The following ITSN2 variants were observed in gnomAD, a reference collection of about 807,000 sequenced individuals.
The protein encoded by ITSN2 is intersectin-2.
Under a neutral mutation model 243.7 loss-of-function variants are expected in ITSN2, and 156 were observed. That is an observed-to-expected ratio of 0.64 (90% CI 0.56 to 0.73). The LOEUF is 0.73. Among genes scored for constraint, ITSN2 ranks in the 30% least tolerant of loss-of-function variants. The pLI is 0.00. For synonymous variants in ITSN2, 703 were observed against 699.9 expected, an observed-to-expected ratio of 1.00 and a Z score of -0.07; for missense variants, 1,801 against 1,996.1, an observed-to-expected ratio of 0.90 and a Z score of 1.86.
intron 24 of ITSN2, among the ~76,000 whole-genome samples, chr2:24,252,968 C>A (rs555551988): frequency 6.6e-6 from 1 of 152,290 alleles, no homozygotes; most frequent in Admixed American, 6.5e-5. Flanking sequence ...GTTATGGAAA[C>A]ACTCAATACC....
chr2:24,298,945 C>T, intron 12 of ITSN2, 131 bp from the exon 13 acceptor site: 1 of 651,320 alleles, frequency 1.5e-6, no homozygotes, highest in Non-Finnish European at 2.4e-6. Context: ...GGTAGCTAGG[C>T]AAATCTAGTT....
chr2:24,246,482 C>G (rs1164611726), intron 28 of ITSN2, among the ~76,000 whole-genome samples, 162 bp from the exon 29 acceptor site: 17 of 152,060 alleles, frequency 1.1e-4, no homozygotes, highest in Admixed American at 1.1e-3. Context: ...TTCCCCTATT[C>G]CTGGTCTTAC....
intron 17 of ITSN2, among the ~76,000 whole-genome samples, chr2:24,279,338 G>A (rs1678451022): frequency 6.6e-6 from 1 of 152,160 alleles, no homozygotes; most frequent in Admixed American, 6.5e-5. Context: ...CTATGGACAA[G>A]CATTTCCCCA....
chr2:24,263,482 T>C (rs1026362416), intron 20 of ITSN2, among the ~76,000 whole-genome samples: 4 of 152,204 alleles, frequency 2.6e-5, no homozygotes, highest in African/African-American at 9.7e-5. Flanking sequence ...CATATGTATA[T>C]ACCTGTGAAA....
intron 16 of ITSN2, among the ~76,000 whole-genome samples, chr2:24,285,472 C>T (rs1679380687): frequency 6.6e-6 from 1 of 152,186 alleles, no homozygotes; most frequent in Non-Finnish European, 1.5e-5. Flanking sequence ...ATTTCTTATA[C>T]AAAAGCTTTA....
At position 24,225,131 on chromosome 2, in the gene ITSN2, G is replaced by A. The variant is rs958146919; in HGVS notation, c.3578-4065C>T. Among the ~76,000 whole-genome samples, 3 of 152,148 alleles carry A rather than the reference G, an allele frequency of 2.0e-5. No individual in the cohort carries two copies. Among genetic ancestry groups the A allele is most frequent in the African/African-American group, 7.2e-5 (3 of 41,426 alleles). On this transcript the variant is annotated intron_variant, in intron 29 of 39. Transcript: ENST00000355123. This position sits in a 1 kb window ranked among gnomAD's most constrained non-coding sequence, Gnocchi z 4.2. ...TTTCTTTCTAAAGCCACTGTCTGTA[G>A]TCAGCCTCTCCTCCAGGGCCCCTCC... is the stretch of plus-strand genomic sequence containing the variant.
At chr2:24,260,081 C>T (rs574921898) in intron 22 of ITSN2, among the ~76,000 whole-genome samples, 12 of 152,114 alleles carry the variant, frequency 7.9e-5, no homozygotes, top group African/African-American at 2.2e-4. Flanking sequence ...CCACTATGCC[C>T]GGCTAATTTT....
chr2:24,210,730 C>T, intron 34 of ITSN2, 50 bp downstream of exon 34: 2 of 1,576,348 alleles, frequency 1.3e-6, no homozygotes, highest in Non-Finnish European at 1.7e-6. Flanking sequence ...GAGCTGGTTC[C>T]CCACCCAGAG....
chr2:24,345,034 CT>C (rs1687395990), intron 1 of ITSN2, among the ~76,000 whole-genome samples: 1 of 152,126 alleles, frequency 6.6e-6, no homozygotes, highest in African/African-American at 2.4e-5. Flanking sequence ...ATATTATCAC[CT>C]CAACATATGA....
At chr2:24,264,939 A>G (rs1006710799) in intron 20 of ITSN2, among the ~76,000 whole-genome samples, 9 of 152,058 alleles carry the variant, frequency 5.9e-5, no homozygotes, top group African/African-American at 2.2e-4. Context: ...ACAAAAAAAA[A>G]AAACAAAGCC....
intron 1 of ITSN2, chr2:24,334,443 T>C (rs1440774906): frequency 7.4e-6 from 4 of 543,368 alleles, no homozygotes; most frequent in Non-Finnish European, 3.5e-6. Context: ...TTAAAGTTTT[T>C]GTTTGTTAAG....
intron 31 of ITSN2, among the ~76,000 whole-genome samples, chr2:24,216,823 C>T (rs917943358): frequency 1.3e-5 from 2 of 152,150 alleles, no homozygotes; most frequent in Non-Finnish European, 2.9e-5. Flanking sequence ...TGGTGGCTCA[C>T]GCCTGTAATC....
intron 1 of ITSN2, chr2:24,335,035 C>T (rs1319875524): frequency 6.2e-6 from 1 of 161,886 alleles, no homozygotes. Flanking sequence ...TGCACTCCAG[C>T]CTGGGCGACA....
At chr2:24,309,383 G>C (rs1682966474) in intron 7 of ITSN2, among the ~76,000 whole-genome samples, 1 of 152,142 alleles carries the variant, frequency 6.6e-6, no homozygotes, top group Non-Finnish European at 1.5e-5. Flanking sequence ...ATTTTTAGTA[G>C]AGACAGGGTT....
chr2:24,253,979 C>T (rs921466155), intron 24 of ITSN2, among the ~76,000 whole-genome samples: 4 of 152,050 alleles, frequency 2.6e-5, no homozygotes, highest in Admixed American at 1.3e-4. Context: ...ATAAAGTATA[C>T]CTTGGTCCTC....
intron 23 of ITSN2, among the ~76,000 whole-genome samples, chr2:24,257,595 T>G (rs1178181013): frequency 1.3e-5 from 2 of 151,916 alleles, no homozygotes; most frequent in African/African-American, 2.4e-5. Flanking sequence ...TAGCTGGGAC[T>G]ACAGGCATGT....
intron 18 of ITSN2, among the ~76,000 whole-genome samples, chr2:24,272,424 CTT>C (rs528083155): frequency 2.3e-4 from 28 of 123,386 alleles, no homozygotes; most frequent in Admixed American, 4.9e-4. Context: ...AAACAACCTA[CTT>C]TTTTTTTTTT....
rs1003381352 is a variant in ITSN2 at position 24,314,862 on chromosome 2, T to C, written c.124+270A>G. 7.9e-5 allele frequency among the ~76,000 whole-genome samples: 12 copies of C among 152,198 alleles called. No individual in the cohort carries two copies. In the East Asian group the frequency reaches 2.3e-3, roughly 29 times the overall value. ...AAATAAACTGAAAACTTTCTAGATA[T>C]AATGTTAAAATGTGAAACCAGACAA... On this transcript the variant is annotated intron_variant, in intron 3 of 39. Transcript: ENST00000355123.
chr2:24,335,571 T>A (rs1686270503), intron 1 of ITSN2, among the ~76,000 whole-genome samples: 1 of 152,108 alleles, frequency 6.6e-6, no homozygotes, highest in African/African-American at 2.4e-5. Flanking sequence ...TGGGCTCAAG[T>A]GAACCTCCCA....
Sources: gnomAD v4.1 joint callset for allele counts (sites outside exome capture counted in the v4.1 genomes callset) on GRCh38, gnomAD v4.1.1 for gene constraint, Gnocchi (gnomAD v3.1) non-coding constraint, MANE v1.5 for transcripts, NCBI Gene and HGNC (gene_info 2026-07-23, HGNC 2026-07-21) for gene names.